Variants in NET1 observed in about 807,000 individuals in gnomAD.
NET1 encodes the protein neuroepithelial cell-transforming gene 1 protein.
A neutral mutation model predicts 61.1 loss-of-function variants in NET1; 42 were observed. The observed-to-expected ratio is 0.69, with a 90% CI of 0.54 to 0.89. The LOEUF (loss-of-function observed/expected upper bound fraction) is 0.89, where lower values mean the gene tolerates loss of function less well. NET1 is among the 40% of genes least tolerant of loss of function. NET1 has a pLI of 0.00. For missense variants in NET1, 654 were observed against 747.3 expected (o/e 0.88, Z 1.46); for synonymous variants, 254 against 281.8 (o/e 0.90, Z 0.99).
In NET1 at chr10:5,423,053, T is replaced by A. The variant is rs1366601831; in HGVS notation, c.129-3602T>A. Reference sequence around the variant, plus strand: ...TTTTTTATTTAATTGGAAAAAATGTTATTTTTAGGATAAGAGTATATGTAC... The same window carrying A: ...TTTTTTATTTAATTGGAAAAAATGTAATTTTTAGGATAAGAGTATATGTAC... On this transcript the variant is annotated intron_variant, in intron 1 of 11. Coordinates refer to ENST00000355029, the MANE Select transcript of NET1 (RefSeq NM_001047160.3). The surrounding 1 kb of genome is among the most constrained non-coding windows in gnomAD (Gnocchi z 4.4). 6.6e-6 allele frequency among the ~76,000 whole-genome samples: 1 copy of A among 152,196 alleles called. No homozygotes were observed. Among genetic ancestry groups the A allele is most frequent in the African/African-American group, 2.4e-5 (1 of 41,440 alleles).
rs906997178 is a variant in NET1 at position 5,441,243 on chromosome 10, C to A, written c.256-10587C>A. Among the ~76,000 whole-genome samples, 1 of 152,224 alleles carries A rather than the reference C, an allele frequency of 6.6e-6. No homozygotes were observed. The highest frequency in any genetic ancestry group is 1.5e-5 in the Non-Finnish European group (1 of 68,034). Reference sequence around the variant, plus strand: ...CTTTCGGGTGTCCATCCCACACACCCGTGGCTACACATGTGCATGTGCCAC... The same window carrying A: ...CTTTCGGGTGTCCATCCCACACACCAGTGGCTACACATGTGCATGTGCCAC... On this transcript the variant is annotated intron_variant, in intron 3 of 11. Transcript: ENST00000355029. The surrounding 1 kb of genome is among the most constrained non-coding windows in gnomAD (Gnocchi z 4.6).
rs1832202338 is a variant in NET1, at chr10:5,423,012, G to A, written c.129-3643G>A. ...TGGTATAATTCTTTTTATATGTTTG[G>A]CATTTACAGATTACATTTTTTATTT... On this transcript the variant is annotated intron_variant, in intron 1 of 11. Transcript: ENST00000355029. The surrounding 1 kb of genome is among the most constrained non-coding windows in gnomAD (Gnocchi z 4.4). 6.6e-6 allele frequency among the ~76,000 whole-genome samples: 1 copy of A among 151,962 alleles called. No individual in the cohort carries two copies. The highest frequency in any genetic ancestry group is 1.5e-5 in the Non-Finnish European group (1 of 67,984).
intron 3 of NET1, among the ~76,000 whole-genome samples, chr10:5,433,358 C>A (rs1164529419): frequency 6.6e-6 from 1 of 152,206 alleles, no homozygotes; most frequent in East Asian, 1.9e-4. Context: ...TTTATAGCTG[C>A]CTTCGTAAAC....
At position 5,441,632 on chromosome 10, in the gene NET1, T is replaced by C. The variant is rs1375050666; in HGVS notation, c.256-10198T>C. Among the ~76,000 whole-genome samples, 1 of 152,242 alleles carries C rather than the reference T, an allele frequency of 6.6e-6. No homozygotes were observed. Among genetic ancestry groups the C allele is most frequent in the Non-Finnish European group, 1.5e-5 (1 of 68,044 alleles). ...CACAAAAGAACCATTGTTTTGACAA[T>C]ACCAAACTTATTAGCCTATGAGACT... On this transcript the variant is annotated intron_variant, in intron 3 of 11. Transcript: ENST00000355029. This position sits in a 1 kb window ranked among gnomAD's most constrained non-coding sequence, Gnocchi z 4.6.
intron 3 of NET1, among the ~76,000 whole-genome samples, chr10:5,432,423 C>T (rs72779844): frequency 0.25 from 37,564 of 151,854 alleles, 4,915 homozygotes; most frequent in Non-Finnish European, 0.29. Context: ...TTACTGAAAA[C>T]GTTTTATGTT....
intron 3 of NET1, among the ~76,000 whole-genome samples, chr10:5,436,469 C>T (rs1272256329): frequency 6.7e-6 from 1 of 150,250 alleles, no homozygotes; most frequent in Non-Finnish European, 1.5e-5. Context: ...CTCCTGACCT[C>T]ACGTGATCCA....
At position 5,412,845 on chromosome 10, in the gene NET1, GA is replaced by G; in HGVS notation, c.128+27del. 1 of 1,326,066 alleles carries G rather than the reference GA, an allele frequency of 7.5e-7. No individual in the cohort carries two copies. The highest frequency in any genetic ancestry group is 9.7e-7 in the Non-Finnish European group (1 of 1,029,912). The allele number at this position is 1,326,066 out of a possible 1,614,324, so 82.1% of individuals were successfully genotyped here. A position where few individuals can be genotyped will look rare whatever the true frequency, so the allele number is the denominator to read the frequency against. On this transcript the variant is annotated intron_variant, in intron 1 of 11. Coordinates refer to ENST00000355029, the MANE Select transcript of NET1 (RefSeq NM_001047160.3). This position sits in a 1 kb window ranked among gnomAD's most constrained non-coding sequence, Gnocchi z 6.5. Reference sequence around the variant, plus strand: ...GGTGAGTGTGGGGGAGGGGAGGGCCGAACGGGAGGTGAGTGTAGGGGAGCGG... The same window carrying G: ...GGTGAGTGTGGGGGAGGGGAGGGCCGACGGGAGGTGAGTGTAGGGGAGCGG...
Position 5,426,514 on chromosome 10 carries a change from C to G in NET1, c.129-141C>G. The stretch of plus-strand genomic sequence containing the variant: ...TTTTTTATATATATATAGACCATCT[C>G]TCATATTACTAAGATTGAATGACAA... On this transcript the variant is annotated intron_variant, in intron 1 of 11. Transcript: ENST00000355029. This position sits in a 1 kb window ranked among gnomAD's most constrained non-coding sequence, Gnocchi z 4.6. 2 of 587,480 alleles carry G rather than the reference C, an allele frequency of 3.4e-6. No individual in the cohort carries two copies. The highest frequency in any genetic ancestry group is 2.3e-5 in the South Asian group (1 of 43,164). The allele number at this position is 587,480 out of a possible 1,614,324, so 36.4% of individuals were successfully genotyped here.
intron 3 of NET1, among the ~76,000 whole-genome samples, chr10:5,442,889 A>AAAAAG (rs1554817692): frequency 2.0e-5 from 3 of 151,392 alleles, no homozygotes; most frequent in Non-Finnish European, 4.4e-5. Context: ...AAAAAAAAAA[A>AAAAAG]AAAGAAAGAA....
rs1186287664 is a variant in NET1 at position 5,412,832 on chromosome 10, G to T, written c.128+12G>T. 1 of 1,395,008 alleles carries T rather than the reference G, an allele frequency of 7.2e-7. No homozygotes were observed. The highest frequency in any genetic ancestry group is 1.6e-5 in the South Asian group (1 of 62,736). 86.4% of individuals were successfully genotyped at this position (1,395,008 alleles called of 1,614,324 possible). A position where few individuals can be genotyped will look rare whatever the true frequency, so the allele number is the denominator to read the frequency against. On this transcript the variant is annotated intron_variant, in intron 1 of 11. Coordinates refer to ENST00000355029, the MANE Select transcript of NET1 (RefSeq NM_001047160.3). The surrounding 1 kb of genome is among the most constrained non-coding windows in gnomAD (Gnocchi z 6.5). Reference sequence around the variant, plus strand: ...GAGCTGGACGGGAGGTGAGTGTGGGGGAGGGGAGGGCCGAACGGGAGGTGA... The same window carrying T: ...GAGCTGGACGGGAGGTGAGTGTGGGTGAGGGGAGGGCCGAACGGGAGGTGA...
chr10:5,454,446 A>G lies in NET1; in HGVS notation c.950A>G (p.Lys317Arg), dbSNP rs1832764188. 6.2e-7 allele frequency: 1 copy of G among 1,614,084 alleles called. No homozygotes were observed. Among genetic ancestry groups the G allele is most frequent in the South Asian group, 1.1e-5 (1 of 91,090 alleles). ...GATATCCCTCGAAGTCGCCTAGTCA[A>G]ATACCCTTTACTGTTAAAAGAAATT... ...FLDIPRSRLV[K>R]YPLLLKEILK... The change falls in exon 9 of 12, where the codon AAA becomes AGA. Residue 317 changes from lysine (K) to arginine (R), a missense_variant. By Grantham distance (26) the Lys-to-Arg change is conservative. Coordinates refer to ENST00000355029, the MANE Select transcript of NET1 (RefSeq NM_001047160.3). This position sits in a 1 kb window ranked among gnomAD's most constrained non-coding sequence, Gnocchi z 8.1.
chr10:5,455,233 T>C lies in NET1; in HGVS notation c.1197+115T>C. On this transcript the variant is annotated intron_variant, in intron 10 of 11. Coordinates refer to ENST00000355029, the MANE Select transcript of NET1 (RefSeq NM_001047160.3). The surrounding 1 kb of genome is among the most constrained non-coding windows in gnomAD (Gnocchi z 6.5). ...AAAGTCATGACATAGTAAAAGAAGG[T>C]TGCCAATTTTAATTTTATATTACCA... 1 of 946,824 alleles carries C rather than the reference T, an allele frequency of 1.1e-6. No individual in the cohort carries two copies. Among genetic ancestry groups the C allele is most frequent in the Non-Finnish European group, 1.6e-6 (1 of 635,344 alleles). The allele number at this position is 946,824 out of a possible 1,614,324, so 58.7% of individuals were successfully genotyped here. A position where few individuals can be genotyped will look rare whatever the true frequency, so the allele number is the denominator to read the frequency against.
In NET1 at chr10:5,453,676, C is replaced by A; in HGVS notation, c.768+116C>A. ...AACTCTGTTCTACAAACACATAAGG[C>A]GTTAAAACTGAACAAATTTACAGTG... On this transcript the variant is annotated intron_variant, in intron 8 of 11. Transcript: ENST00000355029. The surrounding 1 kb of genome is among the most constrained non-coding windows in gnomAD (Gnocchi z 4.9). 1.2e-6 allele frequency: 1 copy of A among 857,966 alleles called. No individual in the cohort carries two copies. Among genetic ancestry groups the A allele is most frequent in the Non-Finnish European group, 1.9e-6 (1 of 528,546 alleles). 53.1% of individuals were successfully genotyped at this position (857,966 alleles called of 1,614,324 possible). A position where few individuals can be genotyped will look rare whatever the true frequency, so the allele number is the denominator to read the frequency against.
Position 5,440,680 on chromosome 10 carries a change from A to G in NET1, c.256-11150A>G, listed in dbSNP as rs1832511709. 6.6e-6 allele frequency among the ~76,000 whole-genome samples: 1 copy of G among 152,226 alleles called. No individual in the cohort carries two copies. Among genetic ancestry groups the G allele is most frequent in the South Asian group, 2.1e-4 (1 of 4,836 alleles). Reference sequence around the variant, plus strand: ...CTATTCCCACCATGGTGCTGAGAACATTATGAAAGTTCTGTCAGCTGCTTT... The same window carrying G: ...CTATTCCCACCATGGTGCTGAGAACGTTATGAAAGTTCTGTCAGCTGCTTT... On this transcript the variant is annotated intron_variant, in intron 3 of 11. Coordinates refer to ENST00000355029, the MANE Select transcript of NET1 (RefSeq NM_001047160.3). This position sits in a 1 kb window ranked among gnomAD's most constrained non-coding sequence, Gnocchi z 4.1.
chr10:5,446,733 G>C lies in NET1; in HGVS notation c.256-5097G>C, dbSNP rs201212064. On this transcript the variant is annotated intron_variant, in intron 3 of 11. Transcript: ENST00000355029. The surrounding 1 kb of genome is among the most constrained non-coding windows in gnomAD (Gnocchi z 5.0). ...CTACAGCGCTGACTCGGTGTGGATT[G>C]ATTGGAAAGGTTTGAGGGAGTACTT... is the stretch of plus-strand genomic sequence containing the variant. 7.4e-5 allele frequency: 117 copies of C among 1,576,238 alleles called. No homozygotes were observed. Among genetic ancestry groups the C allele is most frequent in the Non-Finnish European group, 6.9e-6 (8 of 1,157,320 alleles).
intron 3 of NET1, among the ~76,000 whole-genome samples, chr10:5,448,633 C>G (rs1832654899): frequency 3.1e-5 from 1 of 32,198 alleles, no homozygotes; most frequent in Non-Finnish European, 6.9e-5. Context: ...GCATGTAAAG[C>G]TTGTTGGCAT....
At chr10:5,448,199 C>T (rs2119206004) in intron 3 of NET1, among the ~76,000 whole-genome samples, 1 of 152,076 alleles carries the variant, frequency 6.6e-6, no homozygotes, top group East Asian at 1.9e-4. Flanking sequence ...TATTCAGTGT[C>T]TTGATATGAT....
chr10:5,456,365 G>C lies in NET1; in HGVS notation c.1384+92G>C. The C allele has an allele frequency of 7.9e-7, 1 of 1,260,084 alleles. No homozygotes were observed. Among genetic ancestry groups the C allele is most frequent in the South Asian group, 1.6e-5 (1 of 63,946 alleles). 78.1% of individuals were successfully genotyped at this position (1,260,084 alleles called of 1,614,324 possible). On this transcript the variant is annotated intron_variant, in intron 11 of 11. Coordinates refer to ENST00000355029, the MANE Select transcript of NET1 (RefSeq NM_001047160.3). This position sits in a 1 kb window ranked among gnomAD's most constrained non-coding sequence, Gnocchi z 7.0. ...CTTTAAGAATTCTAGAGATGAAATG[G>C]CTCCATTGTCCTATACTTGTTACAT...
At position 5,412,671 on chromosome 10, in the gene NET1, G is replaced by T. The variant is rs894553250; in HGVS notation, c.-22G>T. The T allele has an allele frequency of 3.4e-6, 5 of 1,456,790 alleles. No individual in the cohort carries two copies. Among genetic ancestry groups the T allele is most frequent in the African/African-American group, 3.0e-5 (2 of 67,194 alleles). The allele number at this position is 1,456,790 out of a possible 1,614,324, so 90.2% of individuals were successfully genotyped here. A position where few individuals can be genotyped will look rare whatever the true frequency, so the allele number is the denominator to read the frequency against. On this transcript the variant is annotated 5_prime_UTR_variant, in exon 1 of 12. Transcript: ENST00000355029. This position sits in a 1 kb window ranked among gnomAD's most constrained non-coding sequence, Gnocchi z 6.5. ...CCGGTCTCCCGGGCACCCGGCCACC[G>T]CCCCACCCCCTCCTCCGTGCCATGG...
Sources: allele counts gnomAD v4.1 joint callset (sites outside exome capture counted in the v4.1 genomes callset), GRCh38; gene constraint gnomAD v4.1.1; non-coding constraint Gnocchi (gnomAD v3.1); transcripts MANE v1.5; gene names NCBI Gene and HGNC (gene_info 2026-07-23, HGNC 2026-07-21).